Variants in MGAT4C observed in about 807,000 individuals in gnomAD.
MGAT4C encodes the protein alpha-1,3-mannosyl-glycoprotein 4-beta-N-acetylglucosaminyltransferase C.
MGAT4C carries 19 observed loss-of-function variants against 40.1 expected under a neutral mutation model. That is an observed-to-expected ratio of 0.47 (90% CI 0.33 to 0.70). The LOEUF (loss-of-function observed/expected upper bound fraction) is 0.70, where lower values mean the gene tolerates loss of function less well. MGAT4C is among the 30% of genes least tolerant of loss of function. The pLI is 0.02. For missense variants in MGAT4C, 491 were observed against 563.2 expected, an observed-to-expected ratio of 0.87 and a Z score of 1.30; for synonymous variants, 181 against 187.1, an observed-to-expected ratio of 0.97 and a Z score of 0.27.
At chr12:86,730,855 A>T (rs1167052116) in intron 1 of MGAT4C, among the ~76,000 whole-genome samples, 3 of 152,104 alleles carry the variant, frequency 2.0e-5, no homozygotes, top group Admixed American at 6.5e-5. Flanking sequence ...ACCGCTATTA[A>T]CAACTATTGT....
At chr12:86,704,388 G>A (rs995521592) in intron 2 of MGAT4C, among the ~76,000 whole-genome samples, 1 of 151,664 alleles carries the variant, frequency 6.6e-6, no homozygotes, top group Admixed American at 6.6e-5. Context: ...AAATACTATT[G>A]GAAAGAGGTC....
intron 2 of MGAT4C, among the ~76,000 whole-genome samples, chr12:86,611,562 C>T (rs1962282728): frequency 6.6e-6 from 1 of 152,126 alleles, no homozygotes; most frequent in African/African-American, 2.4e-5. Context: ...AACTGAACAA[C>T]TCCTCTGCAC....
At chr12:86,097,833 T>C (rs2135588061) in intron 1 of MGAT4C, among the ~76,000 whole-genome samples, 1 of 151,768 alleles carries the variant, frequency 6.6e-6, no homozygotes, top group South Asian at 2.1e-4. Flanking sequence ...AAATATTCTC[T>C]ACCTTGAAAT....
intron 4 of MGAT4C, among the ~76,000 whole-genome samples, chr12:86,279,263 T>G (rs1387380678): frequency 6.6e-6 from 1 of 152,226 alleles, no homozygotes; most frequent in African/African-American, 2.4e-5. Flanking sequence ...TTTGGTAGAA[T>G]TCAGCAGTTA....
chr12:86,045,302 C>CTAA (rs1454271873), intron 2 of MGAT4C, among the ~76,000 whole-genome samples: 1 of 152,130 alleles, frequency 6.6e-6, no homozygotes, highest in Non-Finnish European at 1.5e-5. Flanking sequence ...TAAGTAAAAG[C>CTAA]TAATACTATT....
chr12:86,801,115 T>G (rs1565998562), intron 1 of MGAT4C, among the ~76,000 whole-genome samples: 1 of 151,994 alleles, frequency 6.6e-6, no homozygotes, highest in East Asian at 1.9e-4. Context: ...AACATAAGCG[T>G]GTGGTGTAAA....
chr12:86,289,460 G>C (rs1183680980), intron 4 of MGAT4C, among the ~76,000 whole-genome samples: 1 of 151,920 alleles, frequency 6.6e-6, no homozygotes. Flanking sequence ...TTGGTAGTTT[G>C]ATAGGAATAG....
intron 2 of MGAT4C, among the ~76,000 whole-genome samples, chr12:86,562,942 A>AT (rs1959938273): frequency 6.6e-6 from 1 of 152,130 alleles, no homozygotes; most frequent in Admixed American, 6.5e-5. Context: ...TGAAACATGG[A>AT]TAAAAAGATG....
intron 1 of MGAT4C, among the ~76,000 whole-genome samples, chr12:86,785,666 A>C (rs1035361038): frequency 1.1e-4 from 17 of 151,840 alleles, no homozygotes; most frequent in African/African-American, 3.9e-4. Context: ...AGGTATTATC[A>C]TTTCAGTGTT....
At chr12:86,487,282 T>A in intron 2 of MGAT4C, among the ~76,000 whole-genome samples, 1 of 152,194 alleles carries the variant, frequency 6.6e-6, no homozygotes, top group Admixed American at 6.5e-5. Context: ...GCCTTAGAGC[T>A]AGTTTTCCAA....
At chr12:86,777,701 G>C (rs139543780) in intron 1 of MGAT4C, among the ~76,000 whole-genome samples, 1 of 152,258 alleles carries the variant, frequency 6.6e-6, no homozygotes, top group African/African-American at 2.4e-5. Context: ...TTCAGCCCAG[G>C]AGGACATACA....
intron 2 of MGAT4C, among the ~76,000 whole-genome samples, chr12:86,025,170 T>C (rs1430844257): frequency 2.0e-5 from 3 of 151,718 alleles, no homozygotes; most frequent in African/African-American, 7.2e-5. Flanking sequence ...CTTATCTTTT[T>C]TTCAATTCCC....
At chr12:86,698,915 T>C (rs1950307508) in intron 2 of MGAT4C, among the ~76,000 whole-genome samples, 1 of 152,116 alleles carries the variant, frequency 6.6e-6, no homozygotes. Flanking sequence ...ATGTCCTTGA[T>C]TAGAAAAACA....
chr12:86,541,772 C>T (rs1959168781), intron 2 of MGAT4C, among the ~76,000 whole-genome samples: 1 of 152,168 alleles, frequency 6.6e-6, no homozygotes, highest in African/African-American at 2.4e-5. Flanking sequence ...TGGATGTCAA[C>T]ATTGATTCAT....
intron 3 of MGAT4C, among the ~76,000 whole-genome samples, chr12:86,433,850 T>G (rs977213076): frequency 2.0e-5 from 3 of 152,072 alleles, no homozygotes; most frequent in African/African-American, 7.2e-5. Flanking sequence ...TAGCCAGACC[T>G]TCACTATGAA....
chr12:86,549,401 T>C (rs186619740), intron 2 of MGAT4C, among the ~76,000 whole-genome samples: 5 of 152,342 alleles, frequency 3.3e-5, no homozygotes, highest in Admixed American at 3.3e-4. Flanking sequence ...AGGCATTTAA[T>C]TATTAAGTCA....
intron 2 of MGAT4C, among the ~76,000 whole-genome samples, chr12:86,541,712 A>G (rs1751737487): frequency 6.6e-6 from 1 of 152,194 alleles, no homozygotes; most frequent in Admixed American, 6.5e-5. Flanking sequence ...AATGATAGGA[A>G]CTTAATCACT....
At chr12:86,830,092 A>G (rs768607411) in intron 1 of MGAT4C, among the ~76,000 whole-genome samples, 2 of 151,532 alleles carry the variant, frequency 1.3e-5, no homozygotes, top group Non-Finnish European at 3.0e-5. Flanking sequence ...GTCCATGTCT[A>G]TATCTATGTT....
intron 1 of MGAT4C, among the ~76,000 whole-genome samples, chr12:86,826,227 T>TGG (rs1566017489): frequency 6.6e-6 from 1 of 151,462 alleles, no homozygotes; most frequent in African/African-American, 2.4e-5. Context: ...CGACTTCCTG[T>TGG]GTTATGTGAC....
Sources: gnomAD v4.1 joint callset for allele counts (sites outside exome capture counted in the v4.1 genomes callset) on GRCh38, gnomAD v4.1.1 for gene constraint, MANE v1.5 for transcripts, NCBI Gene and HGNC (gene_info 2026-07-23, HGNC 2026-07-21) for gene names.